Variants in WDHD1 observed in about 807,000 individuals in gnomAD.
The protein encoded by WDHD1 is WD repeat and HMG-box DNA-binding protein 1.
In WDHD1, 111 loss-of-function variants were observed where a neutral mutation model predicts 135.4. That is an observed-to-expected ratio of 0.82 (90% CI 0.70 to 0.96). The LOEUF (loss-of-function observed/expected upper bound fraction) is 0.96, where lower values mean the gene tolerates loss of function less well. Ranked by LOEUF, WDHD1 falls within the 40% of genes least tolerant of loss-of-function variation. The pLI, the probability that WDHD1 is intolerant of heterozygous loss-of-function variation, is 0.00. For synonymous variants in WDHD1, 434 were observed against 439.0 expected (o/e 0.99, Z 0.14); for missense variants, 1,351 against 1,336.3 (o/e 1.01, Z -0.17).
intron 18 of WDHD1, 151 bp from the exon 19 acceptor site, chr14:54,963,323 CT>C: frequency 1.5e-6 from 1 of 673,240 alleles, no homozygotes; most frequent in Non-Finnish European, 2.5e-6. Flanking sequence ...GTTTTAACAT[CT>C]CTGAAATTGG....
At chr14:55,019,590 G>A (rs542704213) in intron 2 of WDHD1, among the ~76,000 whole-genome samples, 2 of 152,124 alleles carry the variant, frequency 1.3e-5, no homozygotes, top group South Asian at 2.1e-4. Flanking sequence ...AGAGTAAGGC[G>A]GGGTGTGGTG....
At chr14:55,025,342 G>C (rs950598271) in intron 2 of WDHD1, among the ~76,000 whole-genome samples, 2 of 150,862 alleles carry the variant, frequency 1.3e-5, no homozygotes, top group East Asian at 3.9e-4. Flanking sequence ...AATACTAAGG[G>C]AACTCAGAGG....
At chr14:55,005,838 T>C (rs1191462555) in intron 7 of WDHD1, among the ~76,000 whole-genome samples, 2 of 152,156 alleles carry the variant, frequency 1.3e-5, no homozygotes, top group African/African-American at 4.8e-5. Flanking sequence ...TACTTTGTTT[T>C]CTTTTTTTTT....
chr14:55,003,720 C>T (rs1365979997), intron 7 of WDHD1, among the ~76,000 whole-genome samples: 3 of 149,612 alleles, frequency 2.0e-5, no homozygotes, highest in African/African-American at 5.0e-5. Flanking sequence ...CACACCACCA[C>T]GCCTGGCTAA....
intron 15 of WDHD1, 51 bp from the exon 16 acceptor site, chr14:54,981,747 G>A (rs772313379): frequency 7.9e-7 from 1 of 1,270,016 alleles, no homozygotes; most frequent in African/African-American, 1.5e-5. Flanking sequence ...TGTTGTTAAA[G>A]GAACCCTATT....
Position 54,995,636 on chromosome 14 carries a change from T to G in WDHD1, c.1120A>C (p.Ser374Arg). The change falls in exon 11 of 26, where the codon AGT (serine) becomes CGT (arginine). Residue 374 changes from serine to arginine, a missense_variant. Around this residue, in one of 2 missense-constraint regions of WDHD1, gnomAD observed 1,330 missense variants for 1,296.1 expected, o/e 1.03. Transcript: ENST00000360586. ...TTTTCATCATCTTCTAGGATGTGAC[T>G]TCGCTGTCTAGGACGACCTGAAGCC... ...MMASGRPRQRSHILEDDENSV... is the reference protein window; with the variant it reads ...MMASGRPRQRRHILEDDENSV... The G allele has an allele frequency of 6.2e-7, 1 of 1,609,530 alleles. No individual in the cohort carries two copies.
At position 54,995,760 on chromosome 14, in the gene WDHD1, C is replaced by G. The variant is rs766856202; in HGVS notation, c.996G>C (p.Met332Ile). 11 of 1,612,682 alleles carry G rather than the reference C, an allele frequency of 6.8e-6. No individual in the cohort carries two copies. The South Asian group carries it at 1.2e-4, about 18-fold the overall frequency. Reference protein sequence around the residue: ...DYNDLFDGDDMSNAGDFLNDN... With the variant: ...DYNDLFDGDDISNAGDFLNDN... ...CATTTAGAAAATCACCAGCATTACTCATATCATCTCCATCAAAAAGATCAT... is the reference window on the plus strand; with the variant it reads ...CATTTAGAAAATCACCAGCATTACTGATATCATCTCCATCAAAAAGATCAT... The change falls in exon 11 of 26, where the codon ATG becomes ATC. Residue 332 changes from methionine to isoleucine, a missense_variant. Physicochemically the swap from Met to Ile is conservative, Grantham distance 10. Transcript: ENST00000360586.
chr14:54,951,773 C>A (rs916293569), intron 24 of WDHD1, among the ~76,000 whole-genome samples: 2 of 152,180 alleles, frequency 1.3e-5, no homozygotes, highest in Non-Finnish European at 2.9e-5. Context: ...CAAACCAAAT[C>A]CAGCAGCACT....
chr14:54,999,284 GAC>G (rs1481344547), intron 10 of WDHD1, among the ~76,000 whole-genome samples: 2 of 152,108 alleles, frequency 1.3e-5, no homozygotes, highest in Admixed American at 1.3e-4. Context: ...CTAGACCAAG[GAC>G]AGTCTATTTC....
intron 17 of WDHD1, 27 bp from the exon 18 acceptor site, chr14:54,966,633 G>A: frequency 1.3e-6 from 2 of 1,585,754 alleles, no homozygotes; most frequent in South Asian, 1.2e-5. Context: ...AATTGCTTAA[G>A]GCCAACTATC....
At chr14:54,950,768 G>C (rs1185907918) in intron 24 of WDHD1, among the ~76,000 whole-genome samples, 1 of 152,138 alleles carries the variant, frequency 6.6e-6, no homozygotes, top group Non-Finnish European at 1.5e-5. Flanking sequence ...CTCAGCAAAT[G>C]TAAAAGAACA....
At chr14:54,944,228 G>A in intron 25 of WDHD1, 104 bp downstream of exon 25, 1 of 1,462,010 alleles carries the variant, frequency 6.8e-7, no homozygotes, top group South Asian at 1.2e-5. Context: ...AATGTGCTAG[G>A]ATTACAGGCA....
intron 10 of WDHD1, among the ~76,000 whole-genome samples, chr14:54,999,138 G>T (rs2140212227): frequency 6.6e-6 from 1 of 152,244 alleles, no homozygotes; most frequent in Non-Finnish European, 1.5e-5. Flanking sequence ...CATAAGAATG[G>T]CTGACAATGT....
chr14:54,992,867 G>T (rs1220385612), intron 11 of WDHD1, among the ~76,000 whole-genome samples: 2 of 151,946 alleles, frequency 1.3e-5, no homozygotes, highest in African/African-American at 4.8e-5. Flanking sequence ...GAGGTGTGAT[G>T]ATACCACTGC....
chr14:55,003,971 C>T (rs2042021887), intron 7 of WDHD1, among the ~76,000 whole-genome samples: 1 of 152,180 alleles, frequency 6.6e-6, no homozygotes, highest in Non-Finnish European at 1.5e-5. Flanking sequence ...GAAATTAGCT[C>T]TGTTTTATTG....
intron 2 of WDHD1, among the ~76,000 whole-genome samples, chr14:55,019,815 G>A (rs545252072): frequency 7.7e-4 from 117 of 152,304 alleles, no homozygotes; most frequent in African/African-American, 2.6e-3. Context: ...GTTACAGTGA[G>A]CCGAGATCGT....
chr14:54,979,644 TTGC>T (rs2041585311), intron 16 of WDHD1, among the ~76,000 whole-genome samples: 1 of 152,246 alleles, frequency 6.6e-6, no homozygotes, highest in Non-Finnish European at 1.5e-5. Context: ...GTTTATTGAA[TTGC>T]TGCTTTGTTT....
intron 2 of WDHD1, among the ~76,000 whole-genome samples, chr14:55,015,635 G>C (rs1051256112): frequency 3.9e-5 from 6 of 152,036 alleles, no homozygotes; most frequent in African/African-American, 1.4e-4. Flanking sequence ...AGACCCTAGG[G>C]ATAGCTACTT....
Position 54,972,454 on chromosome 14 carries a change from T to G in WDHD1, c.2064-5060A>C, listed in dbSNP as rs527828916. On this transcript the variant is annotated intron_variant, in intron 16 of 25. Transcript: ENST00000360586. The stretch of plus-strand genomic sequence containing the variant: ...TTAGCTGGGTGTGGTGGTGAACGCC[T>G]GTAATCCCAGCTACTCGGGAGGGTA... Among the ~76,000 whole-genome samples, 3 of 146,276 alleles carry G rather than the reference T, an allele frequency of 2.1e-5. No homozygotes were observed. In the East Asian group the frequency reaches 6.1e-4, roughly 30 times the overall value.
Sources: gnomAD v4.1 joint callset for allele counts (sites outside exome capture counted in the v4.1 genomes callset) on GRCh38, gnomAD v4.1.1 for gene constraint, gnomAD v4.1.1 regional missense constraint, MANE v1.5 for transcripts, NCBI Gene and HGNC (gene_info 2026-07-23, HGNC 2026-07-21) for gene names.